Variants in RAB4A observed in about 807,000 individuals in gnomAD.
RAB4A encodes the protein RAB4A, member RAS oncogene family.
A neutral mutation model predicts 34.5 loss-of-function variants in RAB4A; 20 were observed. The observed-to-expected ratio is 0.58, with a 90% CI of 0.41 to 0.84. The LOEUF is 0.84. Among genes scored for constraint, RAB4A ranks in the 40% least tolerant of loss-of-function variants. The probability of loss-of-function intolerance (pLI) is 0.00; values close to 1 mark genes in which losing one functional copy is unlikely to be tolerated. For missense variants in RAB4A, 228 were observed against 274.5 expected (o/e 0.83, Z 1.20); for synonymous variants, 102 against 100.0 (o/e 1.02, Z -0.12).
In RAB4A at chr1:229,304,961, A is replaced by G. The variant is rs546997630; in HGVS notation, c.*1168A>G. 5.3e-5 allele frequency: 33 copies of G among 618,734 alleles called. No homozygotes were observed. The African/African-American group carries it at 6.3e-4, about 12-fold the overall frequency. The allele number at this position is 618,734 out of a possible 1,614,324, so 38.3% of individuals were successfully genotyped here. A position where few individuals can be genotyped will look rare whatever the true frequency, so the allele number is the denominator to read the frequency against. The stretch of plus-strand genomic sequence containing the variant: ...GGTGGAACCTTTCTTTAAAGTTGAA[A>G]TGCAGTATTATTTAAATCTGAAAGG... On this transcript the variant is annotated 3_prime_UTR_variant, in exon 8 of 8. Coordinates refer to ENST00000366690, the MANE Select transcript of RAB4A (RefSeq NM_004578.4).
chr1:229,272,221 CTCTT>C (rs1474499753), intron 1 of RAB4A, among the ~76,000 whole-genome samples: 1 of 151,966 alleles, frequency 6.6e-6, no homozygotes, highest in Non-Finnish European at 1.5e-5. Context: ...TCCCTAATCA[CTCTT>C]TCAGATGTAT....
chr1:229,285,290 G>A (rs1336621392), intron 1 of RAB4A, among the ~76,000 whole-genome samples: 1 of 152,132 alleles, frequency 6.6e-6, no homozygotes, highest in African/African-American at 2.4e-5. Context: ...TATTACAGTT[G>A]TGAGCCAACG....
chr1:229,299,214 G>T, intron 6 of RAB4A, 142 bp downstream of exon 6: 1 of 611,706 alleles, frequency 1.6e-6, no homozygotes, highest in Non-Finnish European at 2.8e-6. Flanking sequence ...ATCACATATG[G>T]GTTCAAAGGT....
intron 1 of RAB4A, among the ~76,000 whole-genome samples, chr1:229,274,917 T>C (rs1656601955): frequency 6.6e-6 from 1 of 152,256 alleles, no homozygotes; most frequent in South Asian, 2.1e-4. Context: ...GGTTCTATGC[T>C]CATTTTTATT....
chr1:229,287,922 T>C (rs1656968645), intron 2 of RAB4A, among the ~76,000 whole-genome samples: 1 of 152,234 alleles, frequency 6.6e-6, no homozygotes, highest in Non-Finnish European at 1.5e-5. Flanking sequence ...AATTTCAGCT[T>C]ATCTGTTTAT....
intron 1 of RAB4A, among the ~76,000 whole-genome samples, chr1:229,284,573 T>A (rs1571826472): frequency 6.6e-6 from 1 of 152,334 alleles, no homozygotes; most frequent in South Asian, 2.1e-4. Flanking sequence ...TAGTACCCCG[T>A]TGCTTTCGGA....
At chr1:229,287,997 C>T (rs1208998132) in intron 2 of RAB4A, among the ~76,000 whole-genome samples, 1 of 152,152 alleles carries the variant, frequency 6.6e-6, no homozygotes. Flanking sequence ...ACTTATTTTG[C>T]CTGTCTCCTG....
chr1:229,290,890 AAT>A (rs1476601650), intron 3 of RAB4A, among the ~76,000 whole-genome samples: 1 of 152,234 alleles, frequency 6.6e-6, no homozygotes, highest in African/African-American at 2.4e-5. Context: ...CAGAGAGAAT[AAT>A]AGAAGAAAAT....
Position 229,280,623 on chromosome 1 carries a change from C to T in RAB4A, c.32-5863C>T, listed in dbSNP as rs139505836. Among the ~76,000 whole-genome samples, 391 of 152,090 alleles carry T rather than the reference C, an allele frequency of 2.6e-3. 11 individuals carry two copies. Among genetic ancestry groups the T allele is most frequent in the Admixed American group, 0.023 (345 of 15,274 alleles). ...ATTCATATAGTTTTAAGAAAAAATA[C>T]GGAGTTCTCATGCACCTTTTTCCTA... On this transcript the variant is annotated intron_variant, in intron 1 of 7. Coordinates refer to ENST00000366690, the MANE Select transcript of RAB4A (RefSeq NM_004578.4).
chr1:229,282,414 G>T (rs1270241773), intron 1 of RAB4A, among the ~76,000 whole-genome samples: 1 of 152,084 alleles, frequency 6.6e-6, no homozygotes, highest in Non-Finnish European at 1.5e-5. Flanking sequence ...ATCTTGTCAT[G>T]GACTTCTTTG....
intron 6 of RAB4A, among the ~76,000 whole-genome samples, chr1:229,302,305 A>T (rs1372710570): frequency 0.36 from 13,440 of 37,816 alleles, 2,125 homozygotes; most frequent in African/African-American, 0.53. Context: ...ATATATATAT[A>T]TATATTTTTT....
intron 2 of RAB4A, among the ~76,000 whole-genome samples, chr1:229,288,167 A>ATTTTGGGGTTTTTTGGAGGGTGCTTTG (rs1316954814): frequency 1.3e-5 from 2 of 151,378 alleles, no homozygotes; most frequent in African/African-American, 2.4e-5. Context: ...AGGGTGTTTT[A>ATTTTGGGGTTTTTTGGAGGGTGCTTTG]TTTTGGGGTT....
chr1:229,272,253 CTT>C (rs1388375641), intron 1 of RAB4A, among the ~76,000 whole-genome samples: 3 of 151,976 alleles, frequency 2.0e-5, no homozygotes, highest in African/African-American at 4.8e-5. Flanking sequence ...CAGATTAAGA[CTT>C]TGATTTGGAG....
At chr1:229,292,302 G>A (rs1657110320) in intron 3 of RAB4A, among the ~76,000 whole-genome samples, 1 of 152,118 alleles carries the variant, frequency 6.6e-6, no homozygotes, top group Admixed American at 6.5e-5. Context: ...GTATACTGGA[G>A]TAATTTGTAT....
At chr1:229,302,768 GTGTTCTGTAC>G (rs1657448892) in intron 6 of RAB4A, 84 bp from the exon 7 acceptor site, 3 of 829,682 alleles carry the variant, frequency 3.6e-6, no homozygotes, top group Admixed American at 5.2e-5. Flanking sequence ...TATATACACA[GTGTTCTGTAC>G]TTTGCTTTTT....
chr1:229,286,648 T>G (rs1656931396), intron 2 of RAB4A, 82 bp downstream of exon 2: 1 of 838,374 alleles, frequency 1.2e-6, no homozygotes, highest in African/African-American at 1.8e-5. Context: ...GTAAACTTAA[T>G]TTTTTCAGAG....
At chr1:229,286,618 C>T in intron 2 of RAB4A, 52 bp downstream of exon 2, 1 of 1,152,142 alleles carries the variant, frequency 8.7e-7, no homozygotes, top group East Asian at 2.6e-5. Context: ...TGAGAGCCCT[C>T]TCACTCAGAT....
At position 229,271,180 on chromosome 1, in the gene RAB4A, G is replaced by GC. The variant is rs1656452138; in HGVS notation, c.-159dup. ...TGCGCCTGCGCGGAGCTGGAGTCCGGCTGGGCCGCAGCCGCTGGGAGACCG... is the reference window on the plus strand; with the variant it reads ...TGCGCCTGCGCGGAGCTGGAGTCCGGCCTGGGCCGCAGCCGCTGGGAGACCG... On this transcript the variant is annotated 5_prime_UTR_variant, in exon 1 of 8. Coordinates refer to ENST00000366690, the MANE Select transcript of RAB4A (RefSeq NM_004578.4). 1 of 649,536 alleles carries GC rather than the reference G, an allele frequency of 1.5e-6. No individual in the cohort carries two copies. 40.2% of individuals were successfully genotyped at this position (649,536 alleles called of 1,614,324 possible).
intron 6 of RAB4A, among the ~76,000 whole-genome samples, chr1:229,302,295 A>ATT (rs1657423341): frequency 2.4e-4 from 6 of 25,200 alleles, no homozygotes; most frequent in Admixed American, 4.4e-4. Context: ...ATATATATAT[A>ATT]TATATATATA....
Sources: allele counts gnomAD v4.1 joint callset (sites outside exome capture counted in the v4.1 genomes callset), GRCh38; gene constraint gnomAD v4.1.1; transcripts MANE v1.5; gene names NCBI Gene and HGNC (gene_info 2026-07-23, HGNC 2026-07-21).